SELENOF: variants seen among roughly 807,000 people sequenced by gnomAD.
The protein encoded by SELENOF is selenoprotein F.
In SELENOF, 16 loss-of-function variants were observed where a neutral mutation model predicts 20.5. That is an observed-to-expected ratio of 0.78 (90% CI 0.53 to 1.19). The LOEUF (loss-of-function observed/expected upper bound fraction) is 1.19. Ranked by LOEUF, SELENOF falls within the 50% of genes most tolerant of loss-of-function variation. The pLI, the probability that SELENOF is intolerant of heterozygous loss-of-function variation, is 0.00. For missense variants in SELENOF, 215 were observed against 194.2 expected (o/e 1.11, Z -0.64); for synonymous variants, 78 against 74.5 (o/e 1.05, Z -0.24).
chr1:86,881,208 A>G (rs778337261), intron 2 of SELENOF, among the ~76,000 whole-genome samples: 3 of 152,204 alleles, frequency 2.0e-5, no homozygotes, highest in Non-Finnish European at 2.9e-5. Flanking sequence ...ATGTGGAGAT[A>G]TTATAAGAAA....
In SELENOF at chr1:86,899,570, G is replaced by A. The variant is rs1659623660; in HGVS notation, c.252+3711C>T. 2.0e-5 allele frequency among the ~76,000 whole-genome samples: 3 copies of A among 151,134 alleles called. No homozygotes were observed. The East Asian group carries it at 6.0e-4, about 30-fold the overall frequency. On this transcript the variant is annotated intron_variant, in intron 2 of 4. Coordinates refer to ENST00000331835, the MANE Select transcript of SELENOF (RefSeq NM_004261.5). ...GACCCCCCACCTCCCTCCCGGACGGGGCGGCTGGCCGGGCAGGGGGCTGAC... is the reference window on the plus strand; with the variant it reads ...GACCCCCCACCTCCCTCCCGGACGGAGCGGCTGGCCGGGCAGGGGGCTGAC...
At chr1:86,912,094 T>C (rs1416137830) in intron 1 of SELENOF, among the ~76,000 whole-genome samples, 3 of 152,122 alleles carry the variant, frequency 2.0e-5, no homozygotes, top group Non-Finnish European at 4.4e-5. Flanking sequence ...CTTGGGCAAT[T>C]GGGAAGCTGA....
At chr1:86,882,964 A>G (rs1224066612) in intron 2 of SELENOF, among the ~76,000 whole-genome samples, 1 of 151,882 alleles carries the variant, frequency 6.6e-6, no homozygotes, top group East Asian at 1.9e-4. Flanking sequence ...TGTCTCTACT[A>G]AAAAATACAA....
intron 3 of SELENOF, among the ~76,000 whole-genome samples, chr1:86,868,986 C>G (rs1244304676): frequency 6.6e-6 from 1 of 151,988 alleles, no homozygotes; most frequent in Non-Finnish European, 1.5e-5. Flanking sequence ...TACAAATGGT[C>G]AATAAACATT....
In SELENOF at chr1:86,868,067, C is replaced by T; in HGVS notation, c.352G>A (p.Gly118Arg). ...AATCACCTTACCTTGATTTGCAGTC[C>T]TCTGAACAGTTTGGGTTTATCACTC... The part of the protein sequence containing the change: ...VRSDKPKLFR[G>R]LQIKYVRGSD... Residue 118 changes from glycine to arginine, a missense_variant, in exon 4 of 5, where the codon GGA becomes AGA. Transcript: ENST00000331835. 6.5e-7 allele frequency: 1 copy of T among 1,530,784 alleles called. No individual in the cohort carries two copies. The highest frequency in any genetic ancestry group is 8.9e-7 in the Non-Finnish European group (1 of 1,127,814). The allele number at this position is 1,530,784 out of a possible 1,614,324, so 94.8% of individuals were successfully genotyped here.
intron 2 of SELENOF, among the ~76,000 whole-genome samples, chr1:86,891,053 CTT>C (rs34603223): frequency 1.4e-4 from 19 of 139,714 alleles, no homozygotes; most frequent in Non-Finnish European, 7.8e-5. Flanking sequence ...CCTATTTTTT[CTT>C]TTTTTTTTTT....
At position 86,863,295 on chromosome 1, in the gene SELENOF, A is replaced by T; in HGVS notation, c.*179T>A. 2.2e-6 allele frequency: 1 copy of T among 457,768 alleles called. No homozygotes were observed. Among genetic ancestry groups the T allele is most frequent in the Non-Finnish European group, 3.7e-6 (1 of 269,952 alleles). 28.4% of individuals were successfully genotyped at this position (457,768 alleles called of 1,614,324 possible). ...ACATTTATAAAAAATGGGTTTTGTTAAGCTTGCCAACTCCTTAGATATCAT... is the reference window on the plus strand; with the variant it reads ...ACATTTATAAAAAATGGGTTTTGTTTAGCTTGCCAACTCCTTAGATATCAT... On this transcript the variant is annotated 3_prime_UTR_variant, in exon 5 of 5. Coordinates refer to ENST00000331835, the MANE Select transcript of SELENOF (RefSeq NM_004261.5).
chr1:86,865,111 C>A (rs1658559246), intron 4 of SELENOF, among the ~76,000 whole-genome samples: 1 of 152,034 alleles, frequency 6.6e-6, no homozygotes, highest in Non-Finnish European at 1.5e-5. Flanking sequence ...TCAAATCCAG[C>A]AATGTGTATA....
upstream of SELENOF, chr1:86,914,436 A>C: frequency 2.5e-6 from 1 of 399,270 alleles, no homozygotes; most frequent in Non-Finnish European, 4.7e-6. Context: ...AGTTTACCCA[A>C]TTGAATGTCG....
At chr1:86,903,531 AAACT>A (rs1659756728) in intron 1 of SELENOF, 83 bp from the exon 2 acceptor site, 1 of 942,862 alleles carries the variant, frequency 1.1e-6, no homozygotes. Context: ...GGGTTGTCAA[AAACT>A]AACACATTGA....
At chr1:86,881,793 C>T (rs888324162) in intron 2 of SELENOF, among the ~76,000 whole-genome samples, 7 of 152,120 alleles carry the variant, frequency 4.6e-5, no homozygotes, top group Admixed American at 3.3e-4. Flanking sequence ...TCAATTCTTA[C>T]GTTTTTGGGG....
At chr1:86,868,208 T>C in intron 3 of SELENOF, 106 bp from the exon 4 acceptor site, 2 of 482,480 alleles carry the variant, frequency 4.1e-6, no homozygotes, top group Non-Finnish European at 7.2e-6. Flanking sequence ...CATTATATCC[T>C]ATATGAAAAA....
At chr1:86,910,335 T>C (rs1025236709) in intron 1 of SELENOF, among the ~76,000 whole-genome samples, 1 of 152,144 alleles carries the variant, frequency 6.6e-6, no homozygotes, top group Non-Finnish European at 1.5e-5. Context: ...GTAGTTTTAT[T>C]TGATGGTAAG....
chr1:86,884,294 A>C (rs764720203), intron 2 of SELENOF, among the ~76,000 whole-genome samples: 2 of 152,106 alleles, frequency 1.3e-5, no homozygotes, highest in Non-Finnish European at 2.9e-5. Flanking sequence ...GAGCATTATT[A>C]AAAGTCAAAC....
chr1:86,869,653 T>C (rs909819820), intron 3 of SELENOF, among the ~76,000 whole-genome samples: 2 of 152,198 alleles, frequency 1.3e-5, no homozygotes, highest in Non-Finnish European at 2.9e-5. Context: ...TTTTCAATAA[T>C]GATCATGCCT....
intron 3 of SELENOF, among the ~76,000 whole-genome samples, chr1:86,872,537 G>GTTT (rs34910403): frequency 1.7e-3 from 240 of 138,930 alleles, no homozygotes; most frequent in Middle Eastern, 0.011. Context: ...CCCAGCTAAT[G>GTTT]TTTTTTTTTT....
intron 2 of SELENOF, among the ~76,000 whole-genome samples, chr1:86,881,701 G>C (rs12728581): frequency 1.2e-3 from 176 of 152,206 alleles, no homozygotes; most frequent in Middle Eastern, 6.8e-3. Context: ...ATACAGAAAG[G>C]CATAAAGTAG....
intron 4 of SELENOF, among the ~76,000 whole-genome samples, chr1:86,867,768 A>G (rs1658645455): frequency 2.1e-5 from 3 of 143,834 alleles, no homozygotes; most frequent in Non-Finnish European, 4.6e-5. Context: ...GTACCACACC[A>G]ATGCAAGATG....
At chr1:86,888,157 G>T (rs557087112) in intron 2 of SELENOF, among the ~76,000 whole-genome samples, 2 of 152,058 alleles carry the variant, frequency 1.3e-5, no homozygotes, top group Admixed American at 1.3e-4. Flanking sequence ...CTACTGGGCA[G>T]GCTGAGGTGG....
Sources: gnomAD v4.1 joint callset for allele counts (sites outside exome capture counted in the v4.1 genomes callset) on GRCh38, gnomAD v4.1.1 for gene constraint, MANE v1.5 for transcripts, NCBI Gene and HGNC (gene_info 2026-07-23, HGNC 2026-07-21) for gene names.